Variants in PCDH15 observed in about 807,000 individuals in gnomAD.
PCDH15 encodes protocadherin-15.
PCDH15 carries 129 observed loss-of-function variants against 178.5 expected under a neutral mutation model. That is an observed-to-expected ratio of 0.72 (90% confidence interval 0.63 to 0.84). PCDH15 has a LOEUF of 0.84. Among genes scored for constraint, PCDH15 ranks in the 40% least tolerant of loss-of-function variants. The probability of loss-of-function intolerance (pLI) is 0.00; values close to 1 mark genes in which losing one functional copy is unlikely to be tolerated. For missense variants in PCDH15, 2,230 were observed against 2,099.9 expected, an observed-to-expected ratio of 1.06 and a Z score of -1.21; for synonymous variants, 800 against 732.0, an observed-to-expected ratio of 1.09 and a Z score of -1.50.
At chr10:55,563,808 C>T (rs1254152927) in intron 2 of PCDH15, among the ~76,000 whole-genome samples, 1 of 151,622 alleles carries the variant, frequency 6.6e-6, no homozygotes, top group Non-Finnish European at 1.5e-5. Context: ...CAAAAAAAAT[C>T]AGGAGCTGAA....
chr10:55,199,687 A>G (rs536482164), intron 1 of PCDH15, among the ~76,000 whole-genome samples: 1 of 152,176 alleles, frequency 6.6e-6, no homozygotes, highest in Admixed American at 6.5e-5. Context: ...GGGACCTAGG[A>G]GAGAAAATGG....
At chr10:54,105,023 C>T (rs1011085910) in intron 15 of PCDH15, among the ~76,000 whole-genome samples, 1 of 151,552 alleles carries the variant, frequency 6.6e-6, no homozygotes. Flanking sequence ...ATTTATTTTG[C>T]ATAACTGTCT....
At chr10:55,256,949 A>C (rs947849515) in intron 1 of PCDH15, among the ~76,000 whole-genome samples, 1 of 152,194 alleles carries the variant, frequency 6.6e-6, no homozygotes, top group Non-Finnish European at 1.5e-5. Context: ...CTGACCCCTG[A>C]GTAGACTAAC....
At position 55,291,172 on chromosome 10, in the gene PCDH15, T is replaced by A. The variant is rs192445242; in HGVS notation, c.-156+28427A>T. On this transcript the variant is annotated intron_variant, in intron 1 of 5. Transcript: ENST00000458638. ...AAAAACAATCATGCCTTCCCAACAG[T>A]TCCCCAAAGTCTTAACTCATTTCAT... is the stretch of plus-strand genomic sequence containing the variant. Among the ~76,000 whole-genome samples, 174 of 152,250 alleles carry A rather than the reference T, an allele frequency of 1.1e-3. 1 individual carries two copies. Among genetic ancestry groups the A allele is most frequent in the African/African-American group, 3.4e-3 (141 of 41,562 alleles).
At chr10:54,695,384 T>C (rs1212999818) in intron 1 of PCDH15, among the ~76,000 whole-genome samples, 2 of 152,124 alleles carry the variant, frequency 1.3e-5, no homozygotes, top group Non-Finnish European at 2.9e-5. Flanking sequence ...CTGCAGATGT[T>C]TGAAGTTAGC....
chr10:55,506,522 C>A (rs1840762552), intron 2 of PCDH15, among the ~76,000 whole-genome samples: 1 of 151,284 alleles, frequency 6.6e-6, no homozygotes, highest in African/African-American at 2.4e-5. Context: ...GATTGGAATA[C>A]CAAAGGGTTC....
At chr10:53,826,917 A>AT (rs773914715) in intron 32 of PCDH15, among the ~76,000 whole-genome samples, 1 of 152,242 alleles carries the variant, frequency 6.6e-6, no homozygotes, top group Admixed American at 6.5e-5. Flanking sequence ...AAATACTACG[A>AT]TTTTAAACCA....
intron 2 of PCDH15, among the ~76,000 whole-genome samples, chr10:54,936,617 CT>C (rs1246269854): frequency 4.0e-5 from 6 of 151,704 alleles, no homozygotes; most frequent in Admixed American, 6.6e-5. Context: ...TTAATTTTCT[CT>C]TCACAAATAA....
chr10:55,223,111 A>G (rs1840931756), intron 1 of PCDH15, among the ~76,000 whole-genome samples: 1 of 152,098 alleles, frequency 6.6e-6, no homozygotes, highest in Non-Finnish European at 1.5e-5. Flanking sequence ...TGCACAAAGT[A>G]AATGTTGCTT....
chr10:55,160,828 C>G (rs902572847), intron 2 of PCDH15, among the ~76,000 whole-genome samples: 1 of 152,100 alleles, frequency 6.6e-6, no homozygotes, highest in Admixed American at 6.6e-5. Flanking sequence ...CTGTTGACGT[C>G]TAGGAATACT....
intron 1 of PCDH15, among the ~76,000 whole-genome samples, chr10:54,668,650 A>G (rs2094609146): frequency 6.6e-6 from 1 of 152,198 alleles, no homozygotes; most frequent in Non-Finnish European, 1.5e-5. Flanking sequence ...GTTTGCAGTG[A>G]CACATGGCAA....
intron 2 of PCDH15, among the ~76,000 whole-genome samples, chr10:54,574,685 C>G (rs1004445299): frequency 4.0e-5 from 6 of 149,600 alleles, no homozygotes; most frequent in Non-Finnish European, 7.4e-5. Context: ...AATAGGAACA[C>G]TTTTACACTG....
chr10:55,310,571 G>A (rs769997138), intron 1 of PCDH15, among the ~76,000 whole-genome samples: 23 of 152,030 alleles, frequency 1.5e-4, no homozygotes, highest in Non-Finnish European at 3.4e-4. Flanking sequence ...GTGTTAAAAA[G>A]TTGAAAATTA....
chr10:55,364,231 G>T (rs1227980985), intron 2 of PCDH15, among the ~76,000 whole-genome samples: 1 of 152,140 alleles, frequency 6.6e-6, no homozygotes, highest in Non-Finnish European at 1.5e-5. Context: ...GCTGAACTGT[G>T]AGTCAATGAA....
chr10:54,892,870 G>A lies in PCDH15; in HGVS notation c.-29+4580C>T, dbSNP rs139920319. ...GCTTTCTGAGTAGCTGAGTTTACAA[G>A]TACCTGCCACCACACCTATTTCTAA... On this transcript the variant is annotated intron_variant, in intron 3 of 5. Coordinates refer to the PCDH15 transcript ENST00000458638. Among the ~76,000 whole-genome samples, 46 of 151,664 alleles carry A rather than the reference G, an allele frequency of 3.0e-4. No individual in the cohort carries two copies. The East Asian group carries it at 8.0e-3, about 26-fold the overall frequency.
rs565028602 is a variant in PCDH15, at chr10:55,359,558, A to G, written c.-155-192907T>C. On this transcript the variant is annotated intron_variant, in intron 2 of 5. Transcript: ENST00000613346. ...AAAAAAATGAAAATTGAACAGCCAC[A>G]TGAACCAGAAATCCCACAACTGGGA... 1.6e-3 allele frequency among the ~76,000 whole-genome samples: 241 copies of G among 151,986 alleles called. 1 individual carries two copies. The highest frequency in any genetic ancestry group is 3.4e-3 in the Middle Eastern group (1 of 292).
intron 8 of PCDH15, among the ~76,000 whole-genome samples, chr10:54,243,305 G>A (rs1016264367): frequency 6.6e-6 from 1 of 152,132 alleles, no homozygotes. Flanking sequence ...GTCAGGGATC[G>A]AGATCATCCT....
chr10:55,159,745 AAG>A (rs1378632146), intron 2 of PCDH15, among the ~76,000 whole-genome samples: 1 of 147,848 alleles, frequency 6.8e-6, no homozygotes, highest in East Asian at 1.9e-4. Context: ...ATATATTTTA[AAG>A]AGATATATAA....
intron 2 of PCDH15, among the ~76,000 whole-genome samples, chr10:54,969,209 G>T (rs901316145): frequency 1.3e-5 from 2 of 152,014 alleles, no homozygotes; most frequent in Non-Finnish European, 1.5e-5. Context: ...TGTTTCTTCA[G>T]ATATTCTTGA....
Sources: allele counts gnomAD v4.1 joint callset (sites outside exome capture counted in the v4.1 genomes callset), GRCh38; gene constraint gnomAD v4.1.1; transcripts MANE v1.5; gene names NCBI Gene and HGNC (gene_info 2026-07-23, HGNC 2026-07-21).